Variants in NBEA observed in about 807,000 individuals in gnomAD.
The protein encoded by NBEA is neurobeachin.
In NBEA, 44 loss-of-function variants were observed where a neutral mutation model predicts 343.4. The ratio of observed to expected loss-of-function variants is 0.13; its 90% CI spans 0.10 to 0.16. NBEA has a LOEUF of 0.16. NBEA is among the 10% of genes least tolerant of loss of function. The pLI is 1.00. For synonymous variants in NBEA, 1,175 were observed against 1,238.7 expected (o/e 0.95, Z 1.08); for missense variants, 2,555 against 3,631.3 (o/e 0.70, Z 7.62).
intron 38 of NBEA, among the ~76,000 whole-genome samples, chr13:35,417,836 G>A (rs141040504): frequency 0.015 from 2,218 of 152,246 alleles, 69 homozygotes; most frequent in African/African-American, 0.05. Flanking sequence ...ACAGTGGGGT[G>A]TTAAAATCTC....
At chr13:35,320,279 A>G (rs987144189) in intron 36 of NBEA, among the ~76,000 whole-genome samples, 8 of 152,198 alleles carry the variant, frequency 5.3e-5, no homozygotes, top group African/African-American at 1.9e-4. Flanking sequence ...GAGCTCTTGC[A>G]AGGCAGACCT....
chr13:35,620,891 G>A (rs1481495841), intron 48 of NBEA, among the ~76,000 whole-genome samples: 1 of 152,158 alleles, frequency 6.6e-6, no homozygotes, highest in African/African-American at 2.4e-5. Context: ...GGCTGGGGAT[G>A]AGCATGCGGA....
chr13:35,668,264 T>C, intron 57 of NBEA, 104 bp from the exon 58 acceptor site: 2 of 1,123,726 alleles, frequency 1.8e-6, no homozygotes, highest in East Asian at 5.1e-5. Flanking sequence ...TGAGTACTTT[T>C]CAGTAGTGAC....
At chr13:35,603,274 G>A (rs571794371) in intron 47 of NBEA, among the ~76,000 whole-genome samples, 11 of 152,194 alleles carry the variant, frequency 7.2e-5, no homozygotes, top group East Asian at 1.9e-4. Context: ...CACCTGCTGC[G>A]TGCAAAGTAT....
intron 37 of NBEA, among the ~76,000 whole-genome samples, chr13:35,349,997 G>A (rs938111757): frequency 2.6e-5 from 4 of 152,064 alleles, no homozygotes; most frequent in African/African-American, 9.7e-5. Flanking sequence ...CACTTGTCTT[G>A]TGAAATTGCA....
chr13:35,183,305 T>A (rs750341006), intron 29 of NBEA, among the ~76,000 whole-genome samples: 1 of 152,078 alleles, frequency 6.6e-6, no homozygotes, highest in Non-Finnish European at 1.5e-5. Context: ...GATAACCTAA[T>A]GGTTATTTCA....
At chr13:35,081,171 G>A (rs1331356191) in intron 10 of NBEA, among the ~76,000 whole-genome samples, 3 of 152,134 alleles carry the variant, frequency 2.0e-5, no homozygotes, top group Admixed American at 1.3e-4. Flanking sequence ...GGGAATAGCA[G>A]GAGTCCTATT....
chr13:35,584,843 C>G (rs2081222996), intron 46 of NBEA, among the ~76,000 whole-genome samples: 1 of 151,674 alleles, frequency 6.6e-6, no homozygotes. Flanking sequence ...GTTCCCCACG[C>G]TGGTCTCTCA....
chr13:35,411,032 T>C (rs1594530577), intron 38 of NBEA, among the ~76,000 whole-genome samples: 1 of 152,134 alleles, frequency 6.6e-6, no homozygotes, highest in Non-Finnish European at 1.5e-5. Context: ...ACAAAACTGT[T>C]ACCATGACCT....
At chr13:35,543,193 A>G (rs1566294722) in intron 41 of NBEA, among the ~76,000 whole-genome samples, 1 of 152,212 alleles carries the variant, frequency 6.6e-6, no homozygotes, top group Non-Finnish European at 1.5e-5. Context: ...TATATTAGAA[A>G]TTCATCTCTT....
Position 35,523,649 on chromosome 13 carries a change from A to C in NBEA, c.6586-26828A>C, listed in dbSNP as rs367978093. 8.5e-5 allele frequency among the ~76,000 whole-genome samples: 13 copies of C among 152,312 alleles called. No individual in the cohort carries two copies. The South Asian group carries it at 1.2e-3, about 15-fold the overall frequency. ...TCCTGGGGGTTGTTTGACATCATAA[A>C]TACACTGACATACAATTTTTCAAGG... On this transcript the variant is annotated intron_variant, in intron 41 of 58. Coordinates refer to ENST00000379939, the MANE Select transcript of NBEA (RefSeq NM_001385012.1).
intron 33 of NBEA, among the ~76,000 whole-genome samples, chr13:35,222,773 A>G (rs73167794): frequency 0.066 from 10,007 of 152,222 alleles, 334 homozygotes; most frequent in African/African-American, 0.083. Flanking sequence ...GTTTACTCCT[A>G]ATTCCTCTTT....
At chr13:35,236,485 C>T (rs902620579) in intron 34 of NBEA, among the ~76,000 whole-genome samples, 56 of 151,752 alleles carry the variant, frequency 3.7e-4, no homozygotes, top group Admixed American at 1.6e-3. Context: ...CTTGCTCTGT[C>T]GCCCAGGCTG....
At chr13:35,258,701 T>C (rs2032904199) in intron 34 of NBEA, among the ~76,000 whole-genome samples, 1 of 152,222 alleles carries the variant, frequency 6.6e-6, no homozygotes, top group African/African-American at 2.4e-5. Flanking sequence ...GCTGTGACTA[T>C]TATACTACAT....
chr13:35,243,928 A>G (rs2030762364), intron 34 of NBEA, among the ~76,000 whole-genome samples: 1 of 152,030 alleles, frequency 6.6e-6, no homozygotes. Flanking sequence ...ACTTCACCCA[A>G]TAACATCAGA....
chr13:35,089,306 A>G (rs1199669488), intron 10 of NBEA, among the ~76,000 whole-genome samples: 3 of 149,664 alleles, frequency 2.0e-5, no homozygotes, highest in South Asian at 4.3e-4. Flanking sequence ...AACACATGAA[A>G]AAATGCTCAT....
chr13:35,536,239 C>G (rs1444185964), intron 41 of NBEA, among the ~76,000 whole-genome samples: 1 of 152,104 alleles, frequency 6.6e-6, no homozygotes, highest in Non-Finnish European at 1.5e-5. Flanking sequence ...TCTTTTCTTT[C>G]TGGTCCCTGA....
chr13:35,214,378 A>G (rs959166564), intron 33 of NBEA, among the ~76,000 whole-genome samples: 4 of 151,452 alleles, frequency 2.6e-5, no homozygotes, highest in African/African-American at 9.7e-5. Flanking sequence ...GTGTAGTTCT[A>G]TTTTTTCCAT....
At chr13:35,113,084 A>G (rs558990549) in intron 13 of NBEA, among the ~76,000 whole-genome samples, 26 of 152,228 alleles carry the variant, frequency 1.7e-4, no homozygotes, top group African/African-American at 5.5e-4. Flanking sequence ...ATGTTCTTCA[A>G]TGTAGGATAG....
Sources: gnomAD v4.1 joint callset for allele counts (sites outside exome capture counted in the v4.1 genomes callset) on GRCh38, gnomAD v4.1.1 for gene constraint, MANE v1.5 for transcripts, NCBI Gene and HGNC (gene_info 2026-07-23, HGNC 2026-07-21) for gene names.